ZNF33A: variants seen among roughly 807,000 people sequenced by gnomAD.
ZNF33A encodes zinc finger protein 33A, also known as brain my041 protein.
ZNF33A carries 9 observed loss-of-function variants against 15.9 expected under a neutral mutation model. The ratio of observed to expected loss-of-function variants is 0.57; its 90% CI spans 0.34 to 0.99. ZNF33A has a LOEUF of 0.99. Ranked by LOEUF, ZNF33A falls within the 50% of genes least tolerant of loss-of-function variation. The pLI, the probability that ZNF33A is intolerant of heterozygous loss-of-function variation, is 0.02. For synonymous variants in ZNF33A, 294 were observed against 324.2 expected (o/e 0.91, Z 1.00); for missense variants, 843 against 941.6 (o/e 0.90, Z 1.37).
In ZNF33A at chr10:38,017,049, A is replaced by G. The variant is rs1450249326; in HGVS notation, c.154+34A>G. ...TGTTCACTGTATCATTCTAAATAGC[A>G]TTTGTTTATTCTTTTGATTATGAAG... On this transcript the variant is annotated intron_variant, in intron 3 of 4. Transcript: ENST00000432900. 3 of 1,584,884 alleles carry G rather than the reference A, an allele frequency of 1.9e-6. No individual in the cohort carries two copies. The Admixed American group carries it at 5.8e-5, about 31-fold the overall frequency.
At chr10:38,015,885 A>T in intron 2 of ZNF33A, 1 of 644,522 alleles carries the variant, frequency 1.6e-6, no homozygotes, top group Non-Finnish European at 2.2e-6. Context: ...CGTTCTCAGT[A>T]GAATTGGTTC....
chr10:38,033,773 G>A (rs1334563071), intron 4 of ZNF33A, among the ~76,000 whole-genome samples: 2 of 151,654 alleles, frequency 1.3e-5, no homozygotes, highest in Non-Finnish European at 2.9e-5. Flanking sequence ...GAGTGCGGTG[G>A]TGGGATCTTG....
intron 4 of ZNF33A, among the ~76,000 whole-genome samples, chr10:38,049,477 A>G (rs556715826): frequency 1.9e-4 from 29 of 152,104 alleles, no homozygotes; most frequent in Non-Finnish European, 3.5e-4. Flanking sequence ...ATGTGCGTAT[A>G]TATCTACCAT....
At position 38,054,510 on chromosome 10, in the gene ZNF33A, A is replaced by C; in HGVS notation, c.386A>C (p.Asp129Ala). ...GDVIGIPFNVDVSSFPSRKMF... is the reference protein window; with the variant it reads ...GDVIGIPFNVAVSSFPSRKMF... The stretch of plus-strand genomic sequence containing the variant: ...GTAATAGGAATACCATTTAATGTGG[A>C]TGTAAGTTCTTTTCCTTCCAGAAAA... Residue 129 changes from aspartate to alanine, a missense_variant, in exon 5 of 5, where the codon GAT (aspartate) becomes GCT (alanine). Coordinates refer to ENST00000432900, the MANE Select transcript of ZNF33A (RefSeq NM_006954.2). 1.2e-6 allele frequency: 2 copies of C among 1,613,134 alleles called. No individual in the cohort carries two copies. The highest frequency in any genetic ancestry group is 1.7e-6 in the Non-Finnish European group (2 of 1,179,706).
intron 4 of ZNF33A, among the ~76,000 whole-genome samples, chr10:38,031,703 G>A (rs1313303659): frequency 7.2e-5 from 11 of 152,064 alleles, no homozygotes; most frequent in Admixed American, 4.6e-4. Context: ...GGTAGCTCAC[G>A]CCTATAACCC....
rs185659545 is a variant in ZNF33A at position 38,059,964 on chromosome 10, G to A, written c.*3404G>A. 2 of 631,052 alleles carry A rather than the reference G, an allele frequency of 3.2e-6. No individual in the cohort carries two copies. Among genetic ancestry groups the A allele is most frequent in the East Asian group, 1.4e-4 (1 of 7,172 alleles). The allele number at this position is 631,052 out of a possible 1,614,324, so 39.1% of individuals were successfully genotyped here. A position where few individuals can be genotyped will look rare whatever the true frequency, so the allele number is the denominator to read the frequency against. On this transcript the variant is annotated 3_prime_UTR_variant, in exon 5 of 5. Transcript: ENST00000432900. The stretch of plus-strand genomic sequence containing the variant: ...GATGGGAGGGGAAAGGGTTATATGA[G>A]AATTCTCTATACTTTTTGCTCAACT...
rs891216464 is a variant in ZNF33A, at chr10:38,016,886, C to T, written c.25C>T (p.Gln9Ter). The change falls in exon 3 of 5, where the codon CAG becomes TAG. Residue 9 changes from glutamine (Q) to a stop codon, truncating the protein, a stop_gained. Coordinates refer to ENST00000432900, the MANE Select transcript of ZNF33A (RefSeq NM_006954.2). LOFTEE classifies it high-confidence loss of function. ...AATGTTTCAGGTAGAACAGAAGTCC[C>T]AGGAGTCAGTATCATTTAAAGATGT... is the stretch of plus-strand genomic sequence containing the variant. MNKVEQKS[Q>*]ESVSFKDVTV... 6.2e-7 allele frequency: 1 copy of T among 1,613,716 alleles called. No individual in the cohort carries two copies. The highest frequency in any genetic ancestry group is 1.3e-5 in the African/African-American group (1 of 74,880).
At chr10:38,017,637 C>T (rs985700654) in intron 4 of ZNF33A, 13 of 259,118 alleles carry the variant, frequency 5.0e-5, no homozygotes, top group Admixed American at 3.5e-4. Flanking sequence ...CTTTGCCCAC[C>T]TCAACTTTAC....
At chr10:38,017,188 T>C in intron 3 of ZNF33A, 103 bp from the exon 4 acceptor site, 1 of 1,396,716 alleles carries the variant, frequency 7.2e-7, no homozygotes, top group South Asian at 1.3e-5. Context: ...CCAGTGAAAA[T>C]GTTCCACTGG....
At chr10:38,024,067 G>A (rs1250351050) in intron 4 of ZNF33A, among the ~76,000 whole-genome samples, 1 of 147,664 alleles carries the variant, frequency 6.8e-6, no homozygotes, top group Non-Finnish European at 1.5e-5. Flanking sequence ...CAGGAGAATT[G>A]CTTCAACCTG....
At chr10:38,053,222 C>T (rs2066293142) in intron 4 of ZNF33A, among the ~76,000 whole-genome samples, 2 of 152,100 alleles carry the variant, frequency 1.3e-5, no homozygotes, top group Admixed American at 6.6e-5. Context: ...TAAATTTTCT[C>T]ACAATTGTGG....
rs533578826 is a variant in ZNF33A, at chr10:38,059,396, T to C, written c.*2836T>C. 6.6e-6 allele frequency: 1 copy of C among 152,252 alleles called. No individual in the cohort carries two copies. Among genetic ancestry groups the C allele is most frequent in the African/African-American group, 2.4e-5 (1 of 41,546 alleles). The allele number at this position is 152,252 out of a possible 1,614,324, so 9.4% of individuals were successfully genotyped here. The stretch of plus-strand genomic sequence containing the variant: ...AAAAAAGAAATAAAATGCACATAGA[T>C]TTGAAAGGATGAAATACAACTTTGT... On this transcript the variant is annotated 3_prime_UTR_variant, in exon 5 of 5. Coordinates refer to ENST00000432900, the MANE Select transcript of ZNF33A (RefSeq NM_006954.2).
At chr10:38,033,466 T>A (rs1316353111) in intron 4 of ZNF33A, among the ~76,000 whole-genome samples, 2 of 152,192 alleles carry the variant, frequency 1.3e-5, no homozygotes, top group Non-Finnish European at 2.9e-5. Flanking sequence ...ATTTCAGATA[T>A]ATACCTAGAA....
In ZNF33A at chr10:38,046,527, T is replaced by C. The variant is rs868748280; in HGVS notation, c.251-7848T>C. ...AGTGTCACATTGTTTCCAAGTGACT[T>C]AAGTGCATCCTAGAAAAAAGCACAA... On this transcript the variant is annotated intron_variant, in intron 4 of 4. Transcript: ENST00000432900. Among the ~76,000 whole-genome samples, 16 of 152,176 alleles carry C rather than the reference T, an allele frequency of 1.1e-4. 1 individual carries two copies. The highest frequency in any genetic ancestry group is 7.9e-4 in the Admixed American group (12 of 15,278).
chr10:38,054,962 T>C lies in ZNF33A; in HGVS notation c.838T>C (p.Cys280Arg), dbSNP rs566116813. 3 of 1,614,126 alleles carry C rather than the reference T, an allele frequency of 1.9e-6. No homozygotes were observed. Among genetic ancestry groups the C allele is most frequent in the Non-Finnish European group, 2.5e-6 (3 of 1,179,986 alleles). The change falls in exon 5 of 5, where the codon TGT becomes CGT. Residue 280 changes from cysteine (C) to arginine (R), a missense_variant. Transcript: ENST00000432900. ...SRDNHYEFSD[C>R]EKFLCVKSTL... ...GGACAATCACTATGAATTTAGTGAT[T>C]GTGAGAAGTTCTTATGTGTGAAGTC...
In ZNF33A at chr10:38,057,819, C is replaced by T. The variant is rs1040747873; in HGVS notation, c.*1259C>T. On this transcript the variant is annotated 3_prime_UTR_variant, in exon 5 of 5. Transcript: ENST00000432900. ...AGCAGCTGCTCTCCAAGACAGGGCC[C>T]TGGAAAGGCCCACACATACAGCCCA... The T allele has an allele frequency of 8.1e-6, 8 of 985,432 alleles. No individual in the cohort carries two copies. Among genetic ancestry groups the T allele is most frequent in the Non-Finnish European group, 9.6e-6 (8 of 829,974 alleles). 61.0% of individuals were successfully genotyped at this position (985,432 alleles called of 1,614,324 possible).
At chr10:38,017,231 C>T in intron 3 of ZNF33A, 60 bp from the exon 4 acceptor site, 1 of 1,514,146 alleles carries the variant, frequency 6.6e-7, no homozygotes, top group South Asian at 1.2e-5. Context: ...CTTCTTCCTG[C>T]TTCAAAGGCC....
chr10:38,056,651 A>C lies in ZNF33A; in HGVS notation c.*91A>C. On this transcript the variant is annotated 3_prime_UTR_variant, in exon 5 of 5. Coordinates refer to ENST00000432900, the MANE Select transcript of ZNF33A (RefSeq NM_006954.2). The stretch of plus-strand genomic sequence containing the variant: ...AATTATAGGACAGCTTTTGTTAGGA[A>C]GTGATATTCTATGTAATATCAGATG... The C allele has an allele frequency of 1.4e-6, 2 of 1,464,200 alleles. No individual in the cohort carries two copies. The highest frequency in any genetic ancestry group is 1.8e-4 in the Middle Eastern group (1 of 5,488). The allele number at this position is 1,464,200 out of a possible 1,614,324, so 90.7% of individuals were successfully genotyped here.
intron 4 of ZNF33A, among the ~76,000 whole-genome samples, chr10:38,043,446 A>G (rs2065802875): frequency 6.6e-6 from 1 of 151,974 alleles, no homozygotes. Context: ...ATGTATACAT[A>G]TATAACAAAC....
Sources: allele counts gnomAD v4.1 joint callset (sites outside exome capture counted in the v4.1 genomes callset), GRCh38; gene constraint gnomAD v4.1.1; transcripts MANE v1.5; gene names NCBI Gene and HGNC (gene_info 2026-07-23, HGNC 2026-07-21).